Variants in DPF3 observed in about 807,000 individuals in gnomAD.
The protein encoded by DPF3 is double PHD fingers 3.
In DPF3, 18 loss-of-function variants were observed where a neutral mutation model predicts 56.8. That is an observed-to-expected ratio of 0.32 (90% CI 0.22 to 0.47). DPF3 has a LOEUF of 0.47. Ranked by LOEUF, DPF3 falls within the 20% of genes least tolerant of loss-of-function variation. The pLI is 1.00. For missense variants in DPF3, 403 were observed against 488.8 expected (o/e 0.82, Z 1.65); for synonymous variants, 188 against 180.2 (o/e 1.04, Z -0.35).
In DPF3 at chr14:72,617,820, C is replaced by A. The variant is rs982120401; in HGVS notation, c.*1477G>T. 2.0e-5 allele frequency among the ~76,000 whole-genome samples: 3 copies of A among 152,192 alleles called. No homozygotes were observed. The highest frequency in any genetic ancestry group is 4.4e-5 in the Non-Finnish European group (3 of 68,040). On this transcript the variant is annotated 3_prime_UTR_variant, in exon 11 of 11. Transcript: ENST00000556509. ...GCTGAAGAACTAAAAATAACCTGGG[C>A]CTTTGTTGTGAGCAGCCAGACCACA...
intron 1 of DPF3, among the ~76,000 whole-genome samples, chr14:72,795,291 A>ATATATATATATATATATAT (rs1158510213): frequency 2.5e-5 from 3 of 122,412 alleles, no homozygotes; most frequent in Non-Finnish European, 3.4e-5. Flanking sequence ...AAAAAAAAAA[A>ATATATATATATATATATAT]AAAAATATAT....
intron 1 of DPF3, among the ~76,000 whole-genome samples, chr14:72,773,419 C>G (rs935581219): frequency 1.3e-5 from 2 of 152,160 alleles, no homozygotes; most frequent in African/African-American, 4.8e-5. Flanking sequence ...CAGGCGTGAG[C>G]CACCATGCCT....
chr14:72,759,584 G>GGGAAGGAA (rs36112242), intron 2 of DPF3, among the ~76,000 whole-genome samples: 35 of 149,908 alleles, frequency 2.3e-4, no homozygotes, highest in Admixed American at 7.3e-4. Context: ...AGGGAAGAAA[G>GGGAAGGAA]GGAAGGAAGG....
At chr14:72,849,589 G>A (rs1295621964) in intron 1 of DPF3, among the ~76,000 whole-genome samples, 1 of 152,080 alleles carries the variant, frequency 6.6e-6, no homozygotes, top group Non-Finnish European at 1.5e-5. Flanking sequence ...GTAATGGTGT[G>A]GTCCACATTT....
chr14:72,670,895 C>A (rs1255729686), intron 8 of DPF3: 12 of 1,252,034 alleles, frequency 9.6e-6, no homozygotes, highest in Non-Finnish European at 1.2e-5. Context: ...TGCCATCTCT[C>A]GGAAGAACGC....
chr14:72,676,028 C>G (rs554069974), intron 7 of DPF3, among the ~76,000 whole-genome samples: 1 of 152,208 alleles, frequency 6.6e-6, no homozygotes, highest in Non-Finnish European at 1.5e-5. Flanking sequence ...CCCTCAATTG[C>G]CATCTTAGTC....
intron 6 of DPF3, among the ~76,000 whole-genome samples, chr14:72,697,778 T>G (rs948927269): frequency 6.6e-6 from 1 of 151,928 alleles, no homozygotes; most frequent in African/African-American, 2.4e-5. Context: ...AGAGGAAAAA[T>G]GGGGTGGGAG....
At chr14:72,668,791 T>C (rs1314268627) in intron 8 of DPF3, among the ~76,000 whole-genome samples, 2 of 150,164 alleles carry the variant, frequency 1.3e-5, no homozygotes, top group Non-Finnish European at 3.0e-5. Flanking sequence ...CATATGTTTA[T>C]TAACATAGAA....
chr14:72,754,794 G>C (rs1228610390), intron 2 of DPF3, among the ~76,000 whole-genome samples: 2 of 152,012 alleles, frequency 1.3e-5, no homozygotes, highest in African/African-American at 4.8e-5. Flanking sequence ...ATTGGGATGG[G>C]GCCAAAACAA....
chr14:72,789,706 T>C (rs149962759), intron 1 of DPF3, among the ~76,000 whole-genome samples: 202 of 152,104 alleles, frequency 1.3e-3, no homozygotes, highest in Non-Finnish European at 2.3e-3. Context: ...TTTTTTTTTC[T>C]TTTTTTAAGA....
chr14:72,822,798 G>A (rs1393792272), intron 1 of DPF3, among the ~76,000 whole-genome samples: 2 of 151,922 alleles, frequency 1.3e-5, no homozygotes, highest in African/African-American at 2.4e-5. Context: ...TTTTTTAGAA[G>A]GAAAGAGAGT....
At chr14:72,710,377 G>C (rs182639976) in intron 6 of DPF3, among the ~76,000 whole-genome samples, 1 of 152,358 alleles carries the variant, frequency 6.6e-6, no homozygotes, top group Non-Finnish European at 1.5e-5. Context: ...ATTCTAAGGA[G>C]ACCAACTAAA....
chr14:72,754,903 A>G (rs904804927), intron 2 of DPF3, among the ~76,000 whole-genome samples: 4 of 152,220 alleles, frequency 2.6e-5, no homozygotes, highest in African/African-American at 9.6e-5. Flanking sequence ...AACAAGTTGG[A>G]GGTTCTGACC....
At chr14:72,809,348 A>G (rs1375946298) in intron 1 of DPF3, among the ~76,000 whole-genome samples, 1 of 152,238 alleles carries the variant, frequency 6.6e-6, no homozygotes, top group Non-Finnish European at 1.5e-5. Context: ...CTGCCTGCCA[A>G]CACCAGGCCT....
chr14:72,708,089 G>C (rs1270439751), intron 6 of DPF3, among the ~76,000 whole-genome samples: 2 of 152,152 alleles, frequency 1.3e-5, no homozygotes, highest in African/African-American at 4.8e-5. Context: ...GGTTGTGACT[G>C]AATAGAAAAT....
intron 1 of DPF3, among the ~76,000 whole-genome samples, chr14:72,831,542 A>G (rs1567248626): frequency 6.6e-6 from 1 of 152,206 alleles, no homozygotes; most frequent in Non-Finnish European, 1.5e-5. Flanking sequence ...GAGGGCTTCA[A>G]GAACAGGGGA....
At chr14:72,838,616 G>A (rs1884402132) in intron 1 of DPF3, among the ~76,000 whole-genome samples, 1 of 152,014 alleles carries the variant, frequency 6.6e-6, no homozygotes, top group South Asian at 2.1e-4. Context: ...CAGCACTTTG[G>A]GAGGCCGAGG....
At chr14:72,857,021 C>A (rs563127388) in intron 1 of DPF3, among the ~76,000 whole-genome samples, 1 of 152,166 alleles carries the variant, frequency 6.6e-6, no homozygotes, top group African/African-American at 2.4e-5. Context: ...CCATTAGTGA[C>A]CTGACAGACC....
rs149200705 is a variant in DPF3 at position 72,887,152 on chromosome 14, A to AACACACACAC, written c.32+6895_32+6904dup. 2.2e-3 allele frequency among the ~76,000 whole-genome samples: 310 copies of AACACACACAC among 138,126 alleles called. 2 individuals are homozygous for AACACACACAC. Among genetic ancestry groups the AACACACACAC allele is most frequent in the Admixed American group, 4.7e-3 (64 of 13,670 alleles). 90.6% of individuals were successfully genotyped at this position (138,126 alleles called of 152,430 possible). On this transcript the variant is annotated intron_variant, in intron 1 of 10. Transcript: ENST00000556509. ...AAAATTGGTTACCCTTCTGCCTCCA[A>AACACACACAC]ACACACACACACACACACACACACA...
Sources: allele counts gnomAD v4.1 joint callset (sites outside exome capture counted in the v4.1 genomes callset), GRCh38; gene constraint gnomAD v4.1.1; transcripts MANE v1.5; gene names NCBI Gene and HGNC (gene_info 2026-07-23, HGNC 2026-07-21).